The following USP54 variants were observed in gnomAD, a reference collection of about 807,000 sequenced individuals.
USP54 encodes ubiquitin specific peptidase 54.
A neutral mutation model predicts 170.5 loss-of-function variants in USP54; 87 were observed. That is an observed-to-expected ratio of 0.51 (90% CI 0.43 to 0.61). The LOEUF (loss-of-function observed/expected upper bound fraction) is 0.61. Ranked by LOEUF, USP54 falls within the 20% of genes least tolerant of loss-of-function variation. The pLI is 0.00. For synonymous variants in USP54, 655 were observed against 742.8 expected (o/e 0.88, Z 1.92); for missense variants, 1,786 against 2,047.8 (o/e 0.87, Z 2.47).
chr10:73,502,742 TG>T, intron 22 of USP54, among the ~76,000 whole-genome samples: 1 of 152,308 alleles, frequency 6.6e-6, no homozygotes. Flanking sequence ...ACCTTAAATC[TG>T]ATGCTCTTTA....
chr10:73,592,037 G>C (rs1471702275), upstream of USP54, among the ~76,000 whole-genome samples: 1 of 151,986 alleles, frequency 6.6e-6, no homozygotes, highest in Non-Finnish European at 1.5e-5. Context: ...AACAGGGAAA[G>C]ATCTCCACCC....
upstream of USP54, among the ~76,000 whole-genome samples, chr10:73,592,445 G>A (rs2078341386): frequency 7.0e-6 from 1 of 142,686 alleles, no homozygotes; most frequent in Non-Finnish European, 1.5e-5. Flanking sequence ...AATTGAAGTA[G>A]TCCTTTGGCC....
rs774681907 is a variant in USP54 at position 73,516,871 on chromosome 10, C to T, written c.3555G>A (p.Lys1185=). The T allele has an allele frequency of 8.1e-6, 13 of 1,614,132 alleles. No individual in the cohort carries two copies. The Admixed American group carries it at 8.3e-5, about 10-fold the overall frequency. Reference sequence around the variant, plus strand: ...CCCCACCCTCCAGAGAGGATTGTTGCTTTGCCCATGGCCAGTGGCCTTTCT... The same window carrying T: ...CCCCACCCTCCAGAGAGGATTGTTGTTTTGCCCATGGCCAGTGGCCTTTCT... ...GQEKGHWPWA[K]QQSSLEGGDR... is the part of the protein sequence containing the mutation. Residue 1185 remains lysine (K), a synonymous_variant, in exon 20 of 24, where the codon AAG becomes AAA. Transcript: ENST00000687698.
intron 1 of USP54, among the ~76,000 whole-genome samples, chr10:73,598,277 C>T (rs1417584063): frequency 6.6e-6 from 1 of 152,018 alleles, no homozygotes; most frequent in Non-Finnish European, 1.5e-5. Flanking sequence ...AATTGAATAT[C>T]CCCCATATGC....
intron 11 of USP54, 88 bp from the exon 12 acceptor site, chr10:73,534,858 CA>C: frequency 7.6e-7 from 1 of 1,312,844 alleles, no homozygotes. Context: ...AACAAAGCTC[CA>C]TAAGGCAAGA....
rs1043957548 is a variant in USP54 at position 73,575,856 on chromosome 10, A to G, written c.-76T>C. ...AGGTATCCTCCTAGATCAAGATGAC[A>G]GAGCCCTCCCTCACTTGTTCCAAAC... is the stretch of plus-strand genomic sequence containing the variant. On this transcript the variant is annotated 5_prime_UTR_variant, in exon 2 of 24. Transcript: ENST00000687698. 28 of 501,746 alleles carry G rather than the reference A, an allele frequency of 5.6e-5. No homozygotes were observed. Among genetic ancestry groups the G allele is most frequent in the Non-Finnish European group, 9.0e-5 (27 of 301,066 alleles). 31.1% of individuals were successfully genotyped at this position (501,746 alleles called of 1,614,324 possible). A position where few individuals can be genotyped will look rare whatever the true frequency, so the allele number is the denominator to read the frequency against.
At chr10:73,591,672 C>A (rs2078262919), upstream of USP54, 1 of 152,172 alleles carries the variant, frequency 6.6e-6, no homozygotes, top group Admixed American at 6.5e-5. Flanking sequence ...CTGGGGCATT[C>A]CTGATGACAA....
At chr10:73,561,997 AGGC>A (rs1208678801) in intron 4 of USP54, among the ~76,000 whole-genome samples, 1 of 152,120 alleles carries the variant, frequency 6.6e-6, no homozygotes, top group Non-Finnish European at 1.5e-5. Flanking sequence ...GCTATTCGGG[AGGC>A]TGAGGCACGA....
chr10:73,518,223 T>G (rs1327161933), intron 19 of USP54: 3 of 985,300 alleles, frequency 3.0e-6, no homozygotes, highest in Non-Finnish European at 3.6e-6. Flanking sequence ...CCAAAGGAAC[T>G]ATGAGGCCAC....
chr10:73,516,844 AT>A lies in USP54; in HGVS notation c.3581del (p.Asp1194ValfsTer17). On this transcript the variant is annotated frameshift_variant, in exon 20 of 24. Coordinates refer to ENST00000687698, the MANE Select transcript of USP54 (RefSeq NM_001391956.1). LOFTEE classifies it high-confidence loss of function. ...AKQQSSLEGG[D>X]RPLSWEESTE... ...TGGACTCTTCCCAGGAAAGTGGTCT[AT>A]CCCCACCCTCCAGAGAGGATTGTTG... 6.2e-7 allele frequency: 1 copy of A among 1,614,250 alleles called. No homozygotes were observed. The highest frequency in any genetic ancestry group is 1.3e-5 in the African/African-American group (1 of 75,080).
chr10:73,541,745 G>A lies in USP54; in HGVS notation c.573-7C>T, dbSNP rs1250803236. On this transcript the variant is annotated splice_polypyrimidine_tract_variant and splice_region_variant and intron_variant, in intron 7 of 23. Transcript: ENST00000687698. ...CATACAAATAGCCTGATTGCTTCAA[G>A]ATGGGGAATAGAAGGGGGATGATGG... The A allele has an allele frequency of 6.2e-7, 1 of 1,613,266 alleles. No homozygotes were observed. The highest frequency in any genetic ancestry group is 2.2e-5 in the East Asian group (1 of 44,884).
intron 4 of USP54, among the ~76,000 whole-genome samples, chr10:73,570,585 C>G (rs1186745679): frequency 7.0e-6 from 1 of 142,328 alleles, no homozygotes; most frequent in Non-Finnish European, 1.5e-5. Flanking sequence ...GGGTCTCACT[C>G]TGTTGCCCAG....
At chr10:73,625,326 G>C (rs1193264631) in intron 1 of USP54, among the ~76,000 whole-genome samples, 1 of 149,670 alleles carries the variant, frequency 6.7e-6, no homozygotes, top group East Asian at 2.0e-4. Flanking sequence ...AGGACTCTCC[G>C]TTCGCATCTC....
upstream of USP54, among the ~76,000 whole-genome samples, chr10:73,593,720 A>G (rs2078485538): frequency 6.6e-6 from 1 of 152,230 alleles, no homozygotes; most frequent in African/African-American, 2.4e-5. Flanking sequence ...ATTTGAGTAA[A>G]TCAATCAAGA....
chr10:73,549,813 C>T (rs1265369084), intron 4 of USP54, among the ~76,000 whole-genome samples: 5 of 152,152 alleles, frequency 3.3e-5, no homozygotes, highest in Non-Finnish European at 5.9e-5. Flanking sequence ...AAATATAAAT[C>T]AGATCATATC....
In USP54 at chr10:73,536,457, A is replaced by G. The variant is rs2065226182; in HGVS notation, c.976-20T>C. 6.6e-7 allele frequency: 1 copy of G among 1,518,268 alleles called. No homozygotes were observed. The highest frequency in any genetic ancestry group is 1.4e-5 in the African/African-American group (1 of 71,688). The allele number at this position is 1,518,268 out of a possible 1,614,324, so 94.0% of individuals were successfully genotyped here. On this transcript the variant is annotated intron_variant, in intron 10 of 23. Coordinates refer to ENST00000687698, the MANE Select transcript of USP54 (RefSeq NM_001391956.1). ...CCCAATCTGAACCAGAAACAACCAG[A>G]AGAACATGACAATTATACTTTATAC...
chr10:73,605,868 G>A (rs1280399930), intron 1 of USP54, among the ~76,000 whole-genome samples: 1 of 151,984 alleles, frequency 6.6e-6, no homozygotes, highest in African/African-American at 2.4e-5. Flanking sequence ...TGGATTTGGA[G>A]TCTCAGTTTT....
chr10:73,537,782 G>A (rs2065561056), intron 10 of USP54: 1 of 151,940 alleles, frequency 6.6e-6, no homozygotes, highest in Non-Finnish European at 1.5e-5. Context: ...TTCCTCTCTG[G>A]GGTCCTAGCT....
chr10:73,611,628 T>TA (rs527358501), intron 1 of USP54: 279 of 113,958 alleles, frequency 2.4e-3, no homozygotes, highest in Middle Eastern at 4.5e-3. Flanking sequence ...CCGTCTCTAC[T>TA]AAAAAAAAAA....
Sources: gnomAD v4.1 joint callset for allele counts (sites outside exome capture counted in the v4.1 genomes callset) on GRCh38, gnomAD v4.1.1 for gene constraint, MANE v1.5 for transcripts, NCBI Gene and HGNC (gene_info 2026-07-23, HGNC 2026-07-21) for gene names.